Variants in XRN2 observed in about 807,000 individuals in gnomAD.
XRN2 encodes the protein 5'-3' exoribonuclease 2.
Under a neutral mutation model 138.5 loss-of-function variants are expected in XRN2, and 44 were observed. The observed-to-expected ratio is 0.32, with a 90% CI of 0.25 to 0.41. The LOEUF (loss-of-function observed/expected upper bound fraction) is 0.41, where lower values mean the gene tolerates loss of function less well. Ranked by LOEUF, XRN2 falls within the 10% of genes least tolerant of loss-of-function variation. XRN2 has a pLI of 1.00. For missense variants in XRN2, 937 were observed against 1,169.3 expected (o/e 0.80, Z 2.90); for synonymous variants, 354 against 369.4 (o/e 0.96, Z 0.48).
intron 24 of XRN2, among the ~76,000 whole-genome samples, chr20:21,363,325 T>C (rs1405644984): frequency 6.6e-6 from 1 of 152,160 alleles, no homozygotes; most frequent in East Asian, 1.9e-4. Flanking sequence ...TCTAATAGTT[T>C]GGCAAAGTGC....
At chr20:21,337,647 C>T (rs2038314428) in intron 13 of XRN2, among the ~76,000 whole-genome samples, 1 of 152,078 alleles carries the variant, frequency 6.6e-6, no homozygotes, top group Non-Finnish European at 1.5e-5. Flanking sequence ...TCATTTCTGC[C>T]CAGTGTTCCA....
intron 4 of XRN2, among the ~76,000 whole-genome samples, chr20:21,329,407 C>G (rs1005830106): frequency 2.9e-4 from 44 of 152,110 alleles, no homozygotes; most frequent in Admixed American, 2.5e-3. Context: ...GTTTGGTGTT[C>G]TGCTACTTAA....
In XRN2 at chr20:21,312,213, C is replaced by T. The variant is rs1017277787; in HGVS notation, c.75+8740C>T. On this transcript the variant is annotated intron_variant, in intron 1 of 29. Coordinates refer to ENST00000377191, the MANE Select transcript of XRN2 (RefSeq NM_012255.5). ...CTGCAAGCTCTGCCTCCCAGGCTCA[C>T]GCCATTCTCCTGCCTCAGCCTCCCG... 3.3e-5 allele frequency among the ~76,000 whole-genome samples: 5 copies of T among 150,990 alleles called. No homozygotes were observed. The East Asian group carries it at 8.0e-4, about 24-fold the overall frequency.
intron 26 of XRN2, among the ~76,000 whole-genome samples, chr20:21,366,692 A>G (rs2038708803): frequency 6.6e-6 from 1 of 152,224 alleles, no homozygotes; most frequent in Non-Finnish European, 1.5e-5. Flanking sequence ...AAAACCAAGC[A>G]AAGAGTGGAG....
At position 21,330,775 on chromosome 20, in the gene XRN2, A is replaced by G. The variant is rs565123287; in HGVS notation, c.576+70A>G. On this transcript the variant is annotated intron_variant, in intron 6 of 29. Transcript: ENST00000377191. ...TCGAGGCTGTACTTTGATATGACTG[A>G]CATTATTTATCCTTCTGCCCTGCCC... is the stretch of plus-strand genomic sequence containing the variant. 76 of 1,391,928 alleles carry G rather than the reference A, an allele frequency of 5.5e-5. No homozygotes were observed. The South Asian group carries it at 8.6e-4, about 16-fold the overall frequency. 86.2% of individuals were successfully genotyped at this position (1,391,928 alleles called of 1,614,324 possible).
chr20:21,365,067 C>T (rs1455008499), intron 24 of XRN2, among the ~76,000 whole-genome samples: 3 of 152,054 alleles, frequency 2.0e-5, no homozygotes, highest in Admixed American at 2.0e-4. Context: ...GGGGTTTTTG[C>T]AGTGGACTGA....
chr20:21,376,036 C>T (rs1455440119), intron 27 of XRN2, among the ~76,000 whole-genome samples: 2 of 152,146 alleles, frequency 1.3e-5, no homozygotes, highest in African/African-American at 2.4e-5. Flanking sequence ...GACGGGGTTT[C>T]ACCGCGTTAG....
intron 24 of XRN2, among the ~76,000 whole-genome samples, chr20:21,360,353 C>T (rs6137328): frequency 0.08 from 12,133 of 152,168 alleles, 613 homozygotes; most frequent in East Asian, 0.16. Flanking sequence ...CCTTTCTTTT[C>T]TCCACCTGCC....
At chr20:21,368,411 G>A (rs1239797936) in intron 26 of XRN2, 52 bp from the exon 27 acceptor site, 4 of 1,600,556 alleles carry the variant, frequency 2.5e-6, no homozygotes, top group Non-Finnish European at 3.4e-6. Flanking sequence ...GCTGTGTTAT[G>A]ATGGGTATAT....
chr20:21,328,017 C>G (rs1476793318), intron 3 of XRN2, among the ~76,000 whole-genome samples: 1 of 152,082 alleles, frequency 6.6e-6, no homozygotes, highest in Non-Finnish European at 1.5e-5. Context: ...ATTGAAAAGA[C>G]AGAAAAATTA....
intron 20 of XRN2, 53 bp from the exon 21 acceptor site, chr20:21,354,736 G>C: frequency 1.9e-6 from 3 of 1,541,386 alleles, no homozygotes; most frequent in Non-Finnish European, 1.8e-6. Flanking sequence ...TGATAAGTTG[G>C]AATTTGGGTG....
At chr20:21,356,243 T>C (rs2038575132) in intron 22 of XRN2, 66 bp downstream of exon 22, 3 of 1,257,476 alleles carry the variant, frequency 2.4e-6, no homozygotes, top group Admixed American at 2.1e-5. Context: ...ATGCATAACA[T>C]AAAATTTACC....
intron 1 of XRN2, among the ~76,000 whole-genome samples, chr20:21,308,098 G>A (rs1208652984): frequency 1.2e-5 from 1 of 82,824 alleles, no homozygotes; most frequent in African/African-American, 3.4e-5. Flanking sequence ...CACCACACCC[G>A]GCTAATTTTT....
intron 14 of XRN2, among the ~76,000 whole-genome samples, 153 bp from the exon 15 acceptor site, chr20:21,340,568 A>G (rs577253644): frequency 5.9e-4 from 90 of 152,358 alleles, no homozygotes; most frequent in African/African-American, 2.0e-3. Context: ...AGTGTAGACA[A>G]CCTTGTAATA....
At chr20:21,379,367 A>G (rs972236280) in intron 27 of XRN2, among the ~76,000 whole-genome samples, 3 of 152,196 alleles carry the variant, frequency 2.0e-5, no homozygotes, top group African/African-American at 7.2e-5. Context: ...TGCTTTATGA[A>G]TACTTCCAGG....
intron 27 of XRN2, among the ~76,000 whole-genome samples, chr20:21,376,089 C>T (rs982541289): frequency 2.6e-5 from 4 of 152,160 alleles, no homozygotes; most frequent in African/African-American, 4.8e-5. Flanking sequence ...CCGTCCGCCT[C>T]GGCCTCCCAA....
At chr20:21,347,207 A>G (rs2038447227) in intron 17 of XRN2, among the ~76,000 whole-genome samples, 1 of 152,246 alleles carries the variant, frequency 6.6e-6, no homozygotes, top group South Asian at 2.1e-4. Flanking sequence ...GAATGACTGA[A>G]CAGAGGACAA....
At chr20:21,379,903 T>C (rs1002101526) in intron 27 of XRN2, among the ~76,000 whole-genome samples, 2 of 152,204 alleles carry the variant, frequency 1.3e-5, no homozygotes, top group Non-Finnish European at 2.9e-5. Flanking sequence ...CAAGTTTTTT[T>C]CCCATCTTTA....
rs760773911 is a variant in XRN2 at position 21,348,250 on chromosome 20, A to G, written c.1770A>G (p.Lys590=). The change falls in exon 18 of 30, where the codon AAA becomes AAG. Residue 590 remains lysine (K), a synonymous_variant. Transcript: ENST00000377191. ...DMPSDFEKGT[K]PFKPLEQLMG... ...CATCTGATTTTGAGAAGGGTACGAA[A>G]CCGGTAAGCTTAATTACTTAAAGTC... The G allele has an allele frequency of 1.1e-5, 17 of 1,613,536 alleles. No homozygotes were observed. Among genetic ancestry groups the G allele is most frequent in the Non-Finnish European group, 1.4e-5 (16 of 1,179,888 alleles).
Sources: gnomAD v4.1 joint callset for allele counts (sites outside exome capture counted in the v4.1 genomes callset) on GRCh38, gnomAD v4.1.1 for gene constraint, MANE v1.5 for transcripts, NCBI Gene and HGNC (gene_info 2026-07-23, HGNC 2026-07-21) for gene names.